Variants in SLC35F3 observed in about 807,000 individuals in gnomAD.
The protein encoded by SLC35F3 is solute carrier family 35 member F3, also known as putative thiamine transporter SLC35F3.
SLC35F3 carries 25 observed loss-of-function variants against 49.9 expected under a neutral mutation model. The ratio of observed to expected loss-of-function variants is 0.50; its 90% CI spans 0.37 to 0.70. The LOEUF (loss-of-function observed/expected upper bound fraction) is 0.70, where lower values mean the gene tolerates loss of function less well. Ranked by LOEUF, SLC35F3 falls within the 30% of genes least tolerant of loss-of-function variation. SLC35F3 has a pLI of 0.00. For synonymous variants in SLC35F3, 275 were observed against 265.4 expected, an observed-to-expected ratio of 1.04 and a Z score of -0.35; for missense variants, 525 against 639.8, an observed-to-expected ratio of 0.82 and a Z score of 1.94.
At chr1:234,199,341 A>C (rs7535154) in intron 2 of SLC35F3, among the ~76,000 whole-genome samples, 21,175 of 152,252 alleles carry the variant, frequency 0.14, 3,682 homozygotes, top group East Asian at 0.88. Flanking sequence ...CCAAGTATTT[A>C]TGGGCAATTT....
intron 3 of SLC35F3, among the ~76,000 whole-genome samples, chr1:234,254,989 A>T (rs1474730080): frequency 6.6e-6 from 1 of 152,240 alleles, no homozygotes; most frequent in Admixed American, 6.5e-5. Flanking sequence ...TTATTACAAG[A>T]TAATTTGTTT....
In SLC35F3 at chr1:233,928,631, C is replaced by T. The variant is rs546270772; in HGVS notation, c.283+22873C>T. 4.5e-4 allele frequency among the ~76,000 whole-genome samples: 69 copies of T among 152,168 alleles called. 1 individual carries two copies. In the South Asian group the frequency reaches 0.013, roughly 28 times the overall value. Reference sequence around the variant, plus strand: ...TGCATCCAAAGGGCTGAATACAGTACTGGTGTTTGGAAGGTGGCTAGTTAG... The same window carrying T: ...TGCATCCAAAGGGCTGAATACAGTATTGGTGTTTGGAAGGTGGCTAGTTAG... On this transcript the variant is annotated intron_variant, in intron 2 of 7. Transcript: ENST00000366618.
intron 2 of SLC35F3, among the ~76,000 whole-genome samples, chr1:233,944,517 A>G (rs1377754954): frequency 1.3e-5 from 2 of 152,162 alleles, no homozygotes; most frequent in Non-Finnish European, 2.9e-5. Context: ...AGAGGGTGTG[A>G]CAACTGCAGC....
chr1:233,961,873 A>G (rs143892844), intron 2 of SLC35F3, among the ~76,000 whole-genome samples: 66 of 152,302 alleles, frequency 4.3e-4, no homozygotes, highest in Non-Finnish European at 7.8e-4. Context: ...CTGGATGGAG[A>G]CAGCATCTTA....
At chr1:233,965,223 CAAA>C (rs910618672) in intron 2 of SLC35F3, among the ~76,000 whole-genome samples, 4 of 152,138 alleles carry the variant, frequency 2.6e-5, no homozygotes, top group South Asian at 2.1e-4. Flanking sequence ...AAATTTGACT[CAAA>C]GAAGGAAGGG....
intron 2 of SLC35F3, among the ~76,000 whole-genome samples, chr1:234,189,024 G>A (rs186848184): frequency 2.6e-5 from 4 of 152,056 alleles, no homozygotes; most frequent in Non-Finnish European, 5.9e-5. Flanking sequence ...CTACATCCAA[G>A]GGAGCACCCC....
rs1661747524 is a variant in SLC35F3, at chr1:233,905,029, C to T, written c.-49C>T. The T allele has an allele frequency of 1.3e-6, 2 of 1,539,774 alleles. No individual in the cohort carries two copies. The highest frequency in any genetic ancestry group is 2.8e-5 in the African/African-American group (2 of 71,998). On this transcript the variant is annotated 5_prime_UTR_variant, in exon 1 of 8. Transcript: ENST00000366618. ...GGCTGCAGGGAGCTCCGGCCCGCGG[C>T]CCCTCCGCCTCAAGTCTGGGAGCTG...
intron 2 of SLC35F3, among the ~76,000 whole-genome samples, chr1:233,996,037 T>C (rs1182581516): frequency 2.6e-5 from 4 of 152,192 alleles, no homozygotes; most frequent in African/African-American, 9.7e-5. Flanking sequence ...GGCATTTTAT[T>C]GACATCTTTG....
At chr1:234,050,295 A>G (rs1473331233) in intron 2 of SLC35F3, among the ~76,000 whole-genome samples, 1 of 152,148 alleles carries the variant, frequency 6.6e-6, no homozygotes, top group Non-Finnish European at 1.5e-5. Flanking sequence ...CCTCTCCAGC[A>G]CCTGTTGTTT....
intron 3 of SLC35F3, among the ~76,000 whole-genome samples, chr1:234,291,863 A>G (rs1668513420): frequency 6.6e-6 from 1 of 152,206 alleles, no homozygotes; most frequent in Non-Finnish European, 1.5e-5. Context: ...GCAAAAGCCA[A>G]AAATATTGGG....
At chr1:234,289,707 A>C (rs1668477939) in intron 3 of SLC35F3, among the ~76,000 whole-genome samples, 1 of 152,256 alleles carries the variant, frequency 6.6e-6, no homozygotes, top group South Asian at 2.1e-4. Flanking sequence ...CCAACCTGAG[A>C]CTGGGGAAAC....
At position 234,184,360 on chromosome 1, in the gene SLC35F3, T is replaced by C. The variant is rs367559832; in HGVS notation, c.284-47057T>C. On this transcript the variant is annotated intron_variant, in intron 2 of 7. Transcript: ENST00000366618. ...TGTTTTCAGTATTCAAACTATTTTA[T>C]GTGGTTTGTAAAGTTGACAAAACAG... Among the ~76,000 whole-genome samples the C allele has an allele frequency of 1.0e-3, 159 of 152,336 alleles. 4 individuals carry two copies. In the South Asian group the frequency reaches 0.031, roughly 30 times the overall value.
chr1:234,072,699 A>G (rs1374266739), intron 2 of SLC35F3, among the ~76,000 whole-genome samples: 1 of 152,154 alleles, frequency 6.6e-6, no homozygotes, highest in Non-Finnish European at 1.5e-5. Flanking sequence ...ACCCCTTGCA[A>G]TGAGGCTATG....
intron 2 of SLC35F3, among the ~76,000 whole-genome samples, chr1:234,153,915 T>C (rs1271743896): frequency 6.6e-6 from 1 of 151,828 alleles, no homozygotes; most frequent in Non-Finnish European, 1.5e-5. Flanking sequence ...TACAAAAAAT[T>C]AGCCGGGCAT....
chr1:234,311,567 AGGGCCAT>A (rs1178711137), intron 4 of SLC35F3, among the ~76,000 whole-genome samples: 1 of 152,250 alleles, frequency 6.6e-6, no homozygotes, highest in Non-Finnish European at 1.5e-5. Flanking sequence ...TCAAACCACA[AGGGCCAT>A]GGTTCCTGGA....
At chr1:234,180,189 T>C (rs1666536039) in intron 2 of SLC35F3, among the ~76,000 whole-genome samples, 2 of 152,184 alleles carry the variant, frequency 1.3e-5, no homozygotes, top group South Asian at 2.1e-4. Flanking sequence ...ATCTCCCCAC[T>C]GTGGGGCTCT....
intron 2 of SLC35F3, among the ~76,000 whole-genome samples, chr1:234,215,424 C>G (rs1182288338): frequency 6.6e-6 from 1 of 152,172 alleles, no homozygotes; most frequent in Non-Finnish European, 1.5e-5. Context: ...CTCCTCCTCC[C>G]AGGAGGCAGA....
intron 2 of SLC35F3, among the ~76,000 whole-genome samples, chr1:234,036,453 C>A (rs1664145792): frequency 6.6e-6 from 1 of 152,200 alleles, no homozygotes; most frequent in East Asian, 1.9e-4. Context: ...TAAGACTCTT[C>A]CAGTATCCCT....
intron 2 of SLC35F3, among the ~76,000 whole-genome samples, chr1:234,089,006 C>T (rs779639632): frequency 6.6e-6 from 1 of 152,188 alleles, no homozygotes; most frequent in Non-Finnish European, 1.5e-5. Flanking sequence ...CAGCAATCTG[C>T]CCACCTCGGC....
Sources: gnomAD v4.1 joint callset for allele counts (sites outside exome capture counted in the v4.1 genomes callset) on GRCh38, gnomAD v4.1.1 for gene constraint, MANE v1.5 for transcripts, NCBI Gene and HGNC (gene_info 2026-07-23, HGNC 2026-07-21) for gene names.